TGM3: variants seen among roughly 807,000 people sequenced by gnomAD.
TGM3 encodes the protein transglutaminase 3, also known as protein-glutamine gamma-glutamyltransferase E.
In TGM3, 52 loss-of-function variants were observed where a neutral mutation model predicts 73.8. That is an observed-to-expected ratio of 0.70 (90% CI 0.56 to 0.89). The LOEUF (loss-of-function observed/expected upper bound fraction) is 0.89. Among genes scored for constraint, TGM3 ranks in the 40% least tolerant of loss-of-function variants. The pLI is 0.00. For synonymous variants in TGM3, 372 were observed against 354.9 expected, an observed-to-expected ratio of 1.05 and a Z score of -0.54; for missense variants, 928 against 909.9, an observed-to-expected ratio of 1.02 and a Z score of -0.26.
rs769203926 is a variant in TGM3, at chr20:2,328,397, A to T, written c.1333+32A>T. The stretch of plus-strand genomic sequence containing the variant: ...GGGACGCTGGCGGGGCAGTGCCGCG[A>T]GAGGTTCTATTGTGGGAGGATGGCT... On this transcript the variant is annotated intron_variant, in intron 9 of 12. Coordinates refer to ENST00000381458, the MANE Select transcript of TGM3 (RefSeq NM_003245.4). The surrounding 1 kb of genome is among the most constrained non-coding windows in gnomAD (Gnocchi z 5.2). 6.2e-7 allele frequency: 1 copy of T among 1,612,392 alleles called. No individual in the cohort carries two copies. The highest frequency in any genetic ancestry group is 1.1e-5 in the South Asian group (1 of 90,928).
chr20:2,340,648 A>G lies in TGM3; in HGVS notation c.*67A>G, dbSNP rs149707932. 3.3e-5 allele frequency: 52 copies of G among 1,599,996 alleles called. No individual in the cohort carries two copies. In the East Asian group the frequency reaches 1.1e-3, roughly 33 times the overall value. ...GCAGGGAGAGCTCACCATGGAATGA[A>G]CCCCCCGCCCATGCTGTCCGGCCTG... On this transcript the variant is annotated 3_prime_UTR_variant, in exon 13 of 13. Transcript: ENST00000381458.
intron 11 of TGM3, among the ~76,000 whole-genome samples, chr20:2,336,101 A>T (rs777138238): frequency 1.3e-5 from 2 of 152,190 alleles, no homozygotes; most frequent in African/African-American, 2.4e-5. Context: ...GGAGCCCAGG[A>T]AGGTGGGGCT....
At chr20:2,317,292 G>A (rs1292506142) in intron 6 of TGM3, 47 bp downstream of exon 6, 1 of 1,613,816 alleles carries the variant, frequency 6.2e-7, no homozygotes, top group South Asian at 1.1e-5. Flanking sequence ...GGTGGCAGTG[G>A]GCTATGCCAA....
Position 2,317,441 on chromosome 20 carries a change from CG to C in TGM3, c.940del (p.Asp314ThrfsTer26). ...DRNLSVDVYY[D>X]PMGNPLDKGS... ...GAAATCTCAGTGTGGATGTGTACTA[CG>C]ACCCCATGGGAAACCCCCTGGACAA... On this transcript the variant is annotated frameshift_variant, in exon 7 of 13. Coordinates refer to ENST00000381458, the MANE Select transcript of TGM3 (RefSeq NM_003245.4). LOFTEE classifies it high-confidence loss of function. The C allele has an allele frequency of 1.2e-6, 2 of 1,614,230 alleles. No homozygotes were observed. Among genetic ancestry groups the C allele is most frequent in the Non-Finnish European group, 1.7e-6 (2 of 1,180,042 alleles).
intron 12 of TGM3, 46 bp downstream of exon 12, chr20:2,340,033 C>CAGGA: frequency 4.6e-5 from 9 of 196,588 alleles, no homozygotes; most frequent in African/African-American, 4.1e-4. Context: ...CGGGAGGGGG[C>CAGGA]GGGGGGGCCC....
intron 7 of TGM3, 98 bp from the exon 8 acceptor site, chr20:2,325,751 G>T: frequency 2.3e-6 from 2 of 853,708 alleles, no homozygotes. Flanking sequence ...CTCGATGCAT[G>T]TTGTCATGCT....
At chr20:2,336,305 C>T (rs971964636) in intron 11 of TGM3, among the ~76,000 whole-genome samples, 2 of 152,262 alleles carry the variant, frequency 1.3e-5, no homozygotes, top group Admixed American at 1.3e-4. Flanking sequence ...GGCAGACAAA[C>T]GGACAGAGAA....
intron 1 of TGM3, among the ~76,000 whole-genome samples, chr20:2,303,162 G>T (rs1464737846): frequency 1.3e-5 from 2 of 152,062 alleles, no homozygotes; most frequent in Non-Finnish European, 2.9e-5. Context: ...TTAGCCGGGC[G>T]TGGTGGTGCA....
chr20:2,317,174 A>G lies in TGM3; in HGVS notation c.776A>G (p.Asn259Ser). Residue 259 changes from asparagine (N) to serine (S), a missense_variant, in exon 6 of 13, where the codon AAT (asparagine) becomes AGT (serine). Asn to Ser is a conservative substitution (Grantham distance 46). Transcript: ENST00000381458. ...AACGGCAGCGTGGAGATCCTCAAAA[A>G]TTGGAAAAAATCTGGCTTCAGCCCA... ...SWNGSVEILK[N>S]WKKSGFSPVR... 6.2e-7 allele frequency: 1 copy of G among 1,614,098 alleles called. No individual in the cohort carries two copies. Among genetic ancestry groups the G allele is most frequent in the Non-Finnish European group, 8.5e-7 (1 of 1,180,012 alleles).
At chr20:2,316,919 C>A in intron 5 of TGM3, 149 bp from the exon 6 acceptor site, 1 of 928,084 alleles carries the variant, frequency 1.1e-6, no homozygotes, top group South Asian at 1.6e-5. Flanking sequence ...ATGATCATCC[C>A]CAAGTCACCT....
In TGM3 at chr20:2,328,033, G is replaced by A; in HGVS notation, c.1088-87G>A. ...TTGGGCGGGGCAGAGGCAGGGGGTTGCAGTGGTCCTGGAAGGCCCTGGGGA... is the reference window on the plus strand; with the variant it reads ...TTGGGCGGGGCAGAGGCAGGGGGTTACAGTGGTCCTGGAAGGCCCTGGGGA... On this transcript the variant is annotated intron_variant, in intron 8 of 12. Coordinates refer to ENST00000381458, the MANE Select transcript of TGM3 (RefSeq NM_003245.4). The surrounding 1 kb of genome is among the most constrained non-coding windows in gnomAD (Gnocchi z 5.2). The A allele has an allele frequency of 6.4e-7, 1 of 1,573,948 alleles. No homozygotes were observed. Among genetic ancestry groups the A allele is most frequent in the East Asian group, 2.2e-5 (1 of 44,500 alleles).
Position 2,328,449 on chromosome 20 carries a change from C to T in TGM3, c.1333+84C>T. 2 of 1,558,316 alleles carry T rather than the reference C, an allele frequency of 1.3e-6. No homozygotes were observed. Among genetic ancestry groups the T allele is most frequent in the Non-Finnish European group, 1.7e-6 (2 of 1,149,902 alleles). ...TGAGGCTGGAGAGGAGAAAAGTCCT[C>T]ACCTCCCCCGCACTGGCAGCCAGTT... On this transcript the variant is annotated intron_variant, in intron 9 of 12. Transcript: ENST00000381458. The surrounding 1 kb of genome is among the most constrained non-coding windows in gnomAD (Gnocchi z 5.2).
At chr20:2,326,818 C>T (rs569916988) in intron 8 of TGM3, among the ~76,000 whole-genome samples, 31 of 151,636 alleles carry the variant, frequency 2.0e-4, no homozygotes, top group South Asian at 4.2e-4. Context: ...CGTGGCACTC[C>T]GGCCTGGGAG....
At chr20:2,300,982 G>GA (rs1458417170) in intron 1 of TGM3, among the ~76,000 whole-genome samples, 1 of 152,064 alleles carries the variant, frequency 6.6e-6, no homozygotes, top group African/African-American at 2.4e-5. Flanking sequence ...CTACAGGTGA[G>GA]AAAAGTACAA....
rs1331369046 is a variant in TGM3, at chr20:2,309,724, C to A, written c.75C>A (p.Phe25Leu). The change falls in exon 2 of 13, where the codon TTC (phenylalanine) becomes TTA (leucine). Residue 25 changes from phenylalanine to leucine, a missense_variant. Transcript: ENST00000381458. ...FNRQAHHTDK[F>L]SSQELILRRG... is the part of the protein sequence containing the mutation. ...GACAAGCGCATCACACAGACAAGTTCTCCAGCCAGGAGCTCATCTTGCGGA... is the reference window on the plus strand; with the variant it reads ...GACAAGCGCATCACACAGACAAGTTATCCAGCCAGGAGCTCATCTTGCGGA... 5.0e-6 allele frequency: 8 copies of A among 1,614,216 alleles called. No homozygotes were observed. Among genetic ancestry groups the A allele is most frequent in the Non-Finnish European group, 6.8e-6 (8 of 1,180,032 alleles).
intron 9 of TGM3, among the ~76,000 whole-genome samples, chr20:2,329,753 G>A (rs1225595939): frequency 6.6e-6 from 1 of 152,198 alleles, no homozygotes; most frequent in Non-Finnish European, 1.5e-5. Context: ...TTCCTCACCC[G>A]AAGAATGAGA....
rs1259308833 is a variant in TGM3, at chr20:2,319,241, G to C, written c.983+1756G>C. Among the ~76,000 whole-genome samples, 4 of 152,142 alleles carry C rather than the reference G, an allele frequency of 2.6e-5. No individual in the cohort carries two copies. The South Asian group carries it at 6.2e-4, about 24-fold the overall frequency. On this transcript the variant is annotated intron_variant, in intron 7 of 12. Transcript: ENST00000381458. The stretch of plus-strand genomic sequence containing the variant: ...AGGAGATGGTTGGTGAGACAAGTTG[G>C]GGGTCCCCTCGGCATACCCTTTCTG...
chr20:2,322,052 C>T (rs1244347288), intron 7 of TGM3, among the ~76,000 whole-genome samples: 2 of 151,812 alleles, frequency 1.3e-5, no homozygotes, highest in East Asian at 3.9e-4. Context: ...CTCCCTTGCT[C>T]CTCTCACCCA....
chr20:2,341,028 C>G lies in TGM3; in HGVS notation c.*447C>G, dbSNP rs2084380004. 2.2e-6 allele frequency: 1 copy of G among 446,440 alleles called. No individual in the cohort carries two copies. The highest frequency in any genetic ancestry group is 4.5e-6 in the Non-Finnish European group (1 of 220,448). 27.7% of individuals were successfully genotyped at this position (446,440 alleles called of 1,614,324 possible). On this transcript the variant is annotated 3_prime_UTR_variant, in exon 13 of 13. Coordinates refer to ENST00000381458, the MANE Select transcript of TGM3 (RefSeq NM_003245.4). ...GGCAGGGGATGGTTAGTCACCTGCC[C>G]CAGCACTCACACCCTAACTCAAAAT...
Sources: allele counts gnomAD v4.1 joint callset (sites outside exome capture counted in the v4.1 genomes callset), GRCh38; gene constraint gnomAD v4.1.1; non-coding constraint Gnocchi (gnomAD v3.1); transcripts MANE v1.5; gene names NCBI Gene and HGNC (gene_info 2026-07-23, HGNC 2026-07-21).